The following TC2N variants were observed in gnomAD, a reference collection of about 807,000 sequenced individuals.
The protein encoded by TC2N is tandem C2 domains nuclear protein.
Under a neutral mutation model 61.9 loss-of-function variants are expected in TC2N, and 51 were observed. That is an observed-to-expected ratio of 0.82 (90% confidence interval 0.66 to 1.04). The LOEUF (loss-of-function observed/expected upper bound fraction) is 1.04. Ranked by LOEUF, TC2N falls within the 50% of genes least tolerant of loss-of-function variation. TC2N has a pLI of 0.00. For synonymous variants in TC2N, 204 were observed against 192.6 expected, an observed-to-expected ratio of 1.06 and a Z score of -0.49; for missense variants, 556 against 566.7, an observed-to-expected ratio of 0.98 and a Z score of 0.19.
intron 1 of TC2N, among the ~76,000 whole-genome samples, chr14:91,824,437 T>C (rs2139883856): frequency 6.6e-6 from 1 of 152,320 alleles, no homozygotes; most frequent in South Asian, 2.1e-4. Context: ...ATCACGACTT[T>C]CCCCTGCAAA....
rs1448563121 is a variant in TC2N at position 91,799,079 on chromosome 14, A to G, written c.562-15T>C. The G allele has an allele frequency of 7.2e-6, 11 of 1,534,040 alleles. No homozygotes were observed. The highest frequency in any genetic ancestry group is 9.7e-6 in the Non-Finnish European group (11 of 1,132,668). ...GAATCATGTCTCTATAAATAAAATTATTCTTTAGTCAGAAATTGCATATGA... is the reference window on the plus strand; with the variant it reads ...GAATCATGTCTCTATAAATAAAATTGTTCTTTAGTCAGAAATTGCATATGA... On this transcript the variant is annotated splice_polypyrimidine_tract_variant and intron_variant, in intron 5 of 11. Coordinates refer to ENST00000435962, the MANE Select transcript of TC2N (RefSeq NM_001128596.3).
At chr14:91,792,610 C>T in intron 8 of TC2N, 52 bp from the exon 9 acceptor site, 1 of 819,246 alleles carries the variant, frequency 1.2e-6, no homozygotes, top group Non-Finnish European at 1.8e-6. Context: ...GGCTTATATG[C>T]CAATACAAAA....
intron 1 of TC2N, among the ~76,000 whole-genome samples, chr14:91,864,596 A>G (rs149563118): frequency 6.6e-6 from 1 of 152,190 alleles, no homozygotes; most frequent in African/African-American, 2.4e-5. Context: ...GAAGACTTAG[A>G]AAAAAGGAAC....
chr14:91,822,915 C>T (rs1373640273), intron 1 of TC2N, among the ~76,000 whole-genome samples: 1 of 151,614 alleles, frequency 6.6e-6, no homozygotes, highest in Non-Finnish European at 1.5e-5. Flanking sequence ...CGGGGTTTCA[C>T]CGTGTTAGCC....
intron 4 of TC2N, among the ~76,000 whole-genome samples, chr14:91,801,080 GTA>G (rs59418798): frequency 1.4e-3 from 155 of 111,298 alleles, no homozygotes; most frequent in East Asian, 4.6e-3. Flanking sequence ...ATGTGTGTGT[GTA>G]TATATATATA....
intron 8 of TC2N, among the ~76,000 whole-genome samples, chr14:91,796,994 C>T (rs1885930369): frequency 1.3e-5 from 2 of 151,798 alleles, no homozygotes; most frequent in Admixed American, 6.6e-5. Flanking sequence ...ATTATTTCCA[C>T]AGAAATAATT....
At chr14:91,858,496 C>A (rs1476391027) in intron 1 of TC2N, among the ~76,000 whole-genome samples, 4 of 152,066 alleles carry the variant, frequency 2.6e-5, no homozygotes, top group Non-Finnish European at 5.9e-5. Flanking sequence ...ACTCCTCTGG[C>A]CAGGAAAATT....
chr14:91,784,248 T>C (rs1484646040), intron 11 of TC2N, among the ~76,000 whole-genome samples: 2 of 152,126 alleles, frequency 1.3e-5, no homozygotes, highest in Non-Finnish European at 2.9e-5. Flanking sequence ...GGCTCGATGA[T>C]ATACGAAAAC....
chr14:91,861,615 C>G (rs1888589653), intron 1 of TC2N, among the ~76,000 whole-genome samples: 1 of 152,162 alleles, frequency 6.6e-6, no homozygotes, highest in Admixed American at 6.5e-5. Context: ...AAAGGGGTCA[C>G]CAGCTCTTAT....
rs142964113 is a variant in TC2N, at chr14:91,802,359, G to A, written c.364C>T (p.Pro122Ser). The A allele has an allele frequency of 6.2e-7, 1 of 1,612,748 alleles. No individual in the cohort carries two copies. The highest frequency in any genetic ancestry group is 1.7e-5 in the Admixed American group (1 of 59,732). Residue 122 changes from proline (P) to serine (S), a missense_variant, in exon 4 of 12, where the codon CCT (proline) becomes TCT (serine). Pro to Ser is a moderately conservative substitution (Grantham distance 74). Coordinates refer to ENST00000435962, the MANE Select transcript of TC2N (RefSeq NM_001128596.3). ...AATGGGTTATACACATCATAGCTAG[G>A]TCCGTGCTGGGATGAACTGGAAAGT... The part of the protein sequence containing the change: ...VELSSSSQHG[P>S]SYDVYNPFYM...
chr14:91,798,364 C>G lies in TC2N; in HGVS notation c.673G>C (p.Gly225Arg), dbSNP rs763383060. 1.3e-6 allele frequency: 2 copies of G among 1,594,004 alleles called. No individual in the cohort carries two copies. Among genetic ancestry groups the G allele is most frequent in the Non-Finnish European group, 1.7e-6 (2 of 1,168,816 alleles). ...TAAAACAATTTCACATTCAGTCTCC[C>G]AAAGTCCCTTTCATCTCCTGATAGA... ...ITLSGDERDF[G>R]RLNVKLFYNS... Residue 225 changes from glycine (G) to arginine (R), a missense_variant, in exon 7 of 12, where the codon GGG (glycine) becomes CGG (arginine). Gly to Arg is a moderately radical substitution (Grantham distance 125). Coordinates refer to ENST00000435962, the MANE Select transcript of TC2N (RefSeq NM_001128596.3).
intron 1 of TC2N, among the ~76,000 whole-genome samples, chr14:91,822,753 C>T (rs1157005628): frequency 2.1e-5 from 3 of 140,096 alleles, no homozygotes; most frequent in Non-Finnish European, 3.0e-5. Flanking sequence ...CTCGCTCTGT[C>T]GCCCAGGCTG....
intron 1 of TC2N, among the ~76,000 whole-genome samples, chr14:91,829,643 T>C (rs1050242035): frequency 2.0e-5 from 3 of 152,150 alleles, no homozygotes; most frequent in Non-Finnish European, 2.9e-5. Flanking sequence ...ATCTTAATGA[T>C]CTATGACTGG....
chr14:91,785,386 AT>A lies in TC2N; in HGVS notation c.1163-26del, dbSNP rs766856341. ...CCTAAAAAATTAGAAATATTGGTTT[AT>A]AAAATGTTATTCAAAATACCATATA... On this transcript the variant is annotated intron_variant, in intron 10 of 11. Transcript: ENST00000435962. The A allele has an allele frequency of 3.8e-6, 6 of 1,566,856 alleles. No homozygotes were observed. In the East Asian group the frequency reaches 1.1e-4, roughly 29 times the overall value.
chr14:91,853,212 A>G (rs868575747), intron 1 of TC2N, among the ~76,000 whole-genome samples: 1 of 152,226 alleles, frequency 6.6e-6, no homozygotes, highest in African/African-American at 2.4e-5. Flanking sequence ...ACCTTAGTAC[A>G]GATCACTCCA....
chr14:91,832,187 G>A (rs533069028), intron 1 of TC2N, among the ~76,000 whole-genome samples: 10 of 152,076 alleles, frequency 6.6e-5, no homozygotes, highest in African/African-American at 1.9e-4. Context: ...TCAGGAGTTC[G>A]AGACCAGCCT....
chr14:91,834,850 G>T (rs7147673), intron 1 of TC2N, among the ~76,000 whole-genome samples: 10,015 of 152,014 alleles, frequency 0.066, 991 homozygotes, highest in African/African-American at 0.21. Context: ...CCCCATCCTT[G>T]GTCTTGCCCT....
intron 3 of TC2N, among the ~76,000 whole-genome samples, chr14:91,807,005 G>A (rs1886539324): frequency 6.6e-6 from 1 of 152,336 alleles, no homozygotes; most frequent in South Asian, 2.1e-4. Flanking sequence ...ATGGCTAAAG[G>A]GGCCAAGGTA....
In TC2N at chr14:91,832,894, C is replaced by T. The variant is rs562399202; in HGVS notation, c.-56-19069G>A. Reference sequence around the variant, plus strand: ...TAAAGTCACACAATGAAATTATGCGCGGCAATAAAAAGTGAACAAACTACA... The same window carrying T: ...TAAAGTCACACAATGAAATTATGCGTGGCAATAAAAAGTGAACAAACTACA... On this transcript the variant is annotated intron_variant, in intron 1 of 11. Transcript: ENST00000435962. Among the ~76,000 whole-genome samples, 12 of 152,200 alleles carry T rather than the reference C, an allele frequency of 7.9e-5. No homozygotes were observed. The South Asian group carries it at 1.7e-3, about 21-fold the overall frequency.
Sources: gnomAD v4.1 joint callset for allele counts (sites outside exome capture counted in the v4.1 genomes callset) on GRCh38, gnomAD v4.1.1 for gene constraint, MANE v1.5 for transcripts, NCBI Gene and HGNC (gene_info 2026-07-23, HGNC 2026-07-21) for gene names.